The following IER5L variants were observed in gnomAD, a reference collection of about 807,000 sequenced individuals.
IER5L encodes the protein immediate early response gene 5-like protein.
In IER5L, 6 loss-of-function variants were observed where a neutral mutation model predicts 28.3. The ratio of observed to expected loss-of-function variants is 0.21; its 90% CI spans 0.12 to 0.42. The LOEUF (loss-of-function observed/expected upper bound fraction) is 0.42, where lower values mean the gene tolerates loss of function less well. IER5L is among the 10% of genes least tolerant of loss of function. The pLI, the probability that IER5L is intolerant of heterozygous loss-of-function variation, is 1.00. For synonymous variants in IER5L, 351 were observed against 282.5 expected (o/e 1.24, Z -2.43); for missense variants, 607 against 575.2 (o/e 1.06, Z -0.56).
chr9:129,176,748 G>A lies in IER5L; in HGVS notation c.*90C>T. ...CCAGCTCAGCCCCGAGTGGCCCGGC[G>A]CCCGCTCGTTCCCTCCTCTCGCCCC... On this transcript the variant is annotated 3_prime_UTR_variant, in exon 1 of 1. Transcript: ENST00000372491. The A allele has an allele frequency of 1.5e-6, 2 of 1,377,964 alleles. No homozygotes were observed. The highest frequency in any genetic ancestry group is 1.9e-6 in the Non-Finnish European group (2 of 1,068,776). The allele number at this position is 1,377,964 out of a possible 1,614,324, so 85.4% of individuals were successfully genotyped here. A position where few individuals can be genotyped will look rare whatever the true frequency, so the allele number is the denominator to read the frequency against.
Position 129,178,139 on chromosome 9 carries a change from C to G in IER5L, c.-87G>C, listed in dbSNP as rs961334853. On this transcript the variant is annotated 5_prime_UTR_variant, in exon 1 of 1. Transcript: ENST00000372491. ...TTCTGCCTCCAGCCGGCCGCCGGGG[C>G]GCGCCGGGCAGGGGTAACGGAGTCC... 2 of 1,205,950 alleles carry G rather than the reference C, an allele frequency of 1.7e-6. No individual in the cohort carries two copies. The highest frequency in any genetic ancestry group is 1.6e-5 in the African/African-American group (1 of 62,436). The allele number at this position is 1,205,950 out of a possible 1,614,324, so 74.7% of individuals were successfully genotyped here.
At position 129,177,163 on chromosome 9, in the gene IER5L, G is replaced by A. The variant is rs535369177; in HGVS notation, c.890C>T (p.Ala297Val). The A allele has an allele frequency of 5.6e-5, 83 of 1,475,180 alleles. No homozygotes were observed. In the South Asian group the frequency reaches 9.3e-4, roughly 17 times the overall value. The allele number at this position is 1,475,180 out of a possible 1,614,324, so 91.4% of individuals were successfully genotyped here. A position where few individuals can be genotyped will look rare whatever the true frequency, so the allele number is the denominator to read the frequency against. Residue 297 changes from alanine (A) to valine (V), a missense_variant, in exon 1 of 1, where the codon GCC becomes GTC. Coordinates refer to ENST00000372491, the MANE Select transcript of IER5L (RefSeq NM_203434.3). ...QGAPGPGLAS[A>V]AGCKRKYYPG... ...GTAATACTTGCGCTTGCAGCCGGCG[G>A]CGGACGCCAGGCCCGGTCCCGGAGC...
rs1779607388 is a variant in IER5L, at chr9:129,177,865, TGCTGCTGCTGCTGGC to T, written c.173_187del (p.Arg58_Gln62del). The T allele has an allele frequency of 6.5e-7, 1 of 1,530,150 alleles. No homozygotes were observed. The highest frequency in any genetic ancestry group is 2.0e-5 in the Admixed American group (1 of 49,382). The allele number at this position is 1,530,150 out of a possible 1,614,324, so 94.8% of individuals were successfully genotyped here. On this transcript the variant is annotated inframe_deletion, in exon 1 of 1. Transcript: ENST00000372491. ...CTGGTGGTGGGGCGGCTGCTGCTGT[TGCTGCTGCTGCTGGC>T]GCCGGTAGAGCTCGGCGTAGCGCTC...
chr9:129,177,004 G>A lies in IER5L; in HGVS notation c.1049C>T (p.Ala350Val). The A allele has an allele frequency of 1.3e-6, 2 of 1,597,730 alleles. No homozygotes were observed. Among genetic ancestry groups the A allele is most frequent in the Non-Finnish European group, 8.5e-7 (1 of 1,173,738 alleles). ...EDFCPDSSPD[A>V]SNISNLISIF... ...GGAGATCAAGTTTGAGATGTTGGAC[G>A]CGTCCGGGGACGAGTCCGGGCAGAA... The change falls in exon 1 of 1, where the codon GCG (alanine) becomes GTG (valine). Residue 350 changes from alanine (A) to valine (V), a missense_variant. Coordinates refer to ENST00000372491, the MANE Select transcript of IER5L (RefSeq NM_203434.3).
chr9:129,176,815 G>A lies in IER5L; in HGVS notation c.*23C>T. The A allele has an allele frequency of 2.6e-6, 4 of 1,532,140 alleles. No homozygotes were observed. The highest frequency in any genetic ancestry group is 3.5e-6 in the Non-Finnish European group (4 of 1,144,910). The allele number at this position is 1,532,140 out of a possible 1,614,324, so 94.9% of individuals were successfully genotyped here. A position where few individuals can be genotyped will look rare whatever the true frequency, so the allele number is the denominator to read the frequency against. On this transcript the variant is annotated 3_prime_UTR_variant, in exon 1 of 1. Coordinates refer to ENST00000372491, the MANE Select transcript of IER5L (RefSeq NM_203434.3). ...CTGGCCCCAGCCCCGCGGGGCCCCGGGTCCCTGTGCCCTCGGGGGTCCCTA... is the reference window on the plus strand; with the variant it reads ...CTGGCCCCAGCCCCGCGGGGCCCCGAGTCCCTGTGCCCTCGGGGGTCCCTA...
Position 129,178,094 on chromosome 9 carries a change from G to A in IER5L, c.-42C>T. On this transcript the variant is annotated 5_prime_UTR_variant, in exon 1 of 1. Coordinates refer to ENST00000372491, the MANE Select transcript of IER5L (RefSeq NM_203434.3). ...CGGCGGAGCAGCCGCCGCCGCTGCT[G>A]CTGTTAACGCTTCTGCTGTTTCTGC... The A allele has an allele frequency of 7.3e-7, 1 of 1,369,586 alleles. No individual in the cohort carries two copies. Among genetic ancestry groups the A allele is most frequent in the Non-Finnish European group, 9.4e-7 (1 of 1,058,618 alleles). The allele number at this position is 1,369,586 out of a possible 1,614,324, so 84.8% of individuals were successfully genotyped here.
chr9:129,177,230 C>G lies in IER5L; in HGVS notation c.823G>C (p.Asp275His). ...GGGCAGTGGGCGGAGGCGCAGCAGT[C>G]CTGGTGCAAGTAGCCGTTCTCCACC... ...TTVENGYLHQ[D>H]CCASAHCPCC... Residue 275 changes from aspartate (D) to histidine (H), a missense_variant, in exon 1 of 1, where the codon GAC becomes CAC. Transcript: ENST00000372491. The G allele has an allele frequency of 6.8e-7, 1 of 1,468,282 alleles. No homozygotes were observed. The highest frequency in any genetic ancestry group is 8.9e-7 in the Non-Finnish European group (1 of 1,120,012). The allele number at this position is 1,468,282 out of a possible 1,614,324, so 91.0% of individuals were successfully genotyped here.
rs1161845807 is a variant in IER5L at position 129,177,431 on chromosome 9, A to C, written c.622T>G (p.Cys208Gly). The C allele has an allele frequency of 8.3e-7, 1 of 1,205,818 alleles. No homozygotes were observed. The highest frequency in any genetic ancestry group is 1.0e-6 in the Non-Finnish European group (1 of 972,210). 74.7% of individuals were successfully genotyped at this position (1,205,818 alleles called of 1,614,324 possible). Residue 208 changes from cysteine to glycine, a missense_variant, in exon 1 of 1, where the codon TGC becomes GGC. Coordinates refer to ENST00000372491, the MANE Select transcript of IER5L (RefSeq NM_203434.3). Reference sequence around the variant, plus strand: ...GGGGCGGCCCCTGGGGGCGCGGAGCAGGCGGCCGGGGCGCGAGGGTCCCGC... The same window carrying C: ...GGGGCGGCCCCTGGGGGCGCGGAGCCGGCGGCCGGGGCGCGAGGGTCCCGC... ...CPRDPRAPAA[C>G]SAPPGAAPPA...
rs1296490457 is a variant in IER5L at position 129,177,509 on chromosome 9, G to T, written c.544C>A (p.Pro182Thr). The T allele has an allele frequency of 1.0e-6, 1 of 991,066 alleles. No homozygotes were observed. The highest frequency in any genetic ancestry group is 1.8e-5 in the African/African-American group (1 of 56,886). The allele number at this position is 991,066 out of a possible 1,614,324, so 61.4% of individuals were successfully genotyped here. ...GQPLEPLQPG[P>T]APLPLPLPPP... ...GGCAGCGGCAGCGGCAGCGGCGCAG[G>T]ACCCGGCTGCAGAGGCTCCAAGGGC... The change falls in exon 1 of 1, where the codon CCT (proline) becomes ACT (threonine). Residue 182 changes from proline to threonine, a missense_variant. Physicochemically the swap from Pro to Thr is conservative, Grantham distance 38. Coordinates refer to ENST00000372491, the MANE Select transcript of IER5L (RefSeq NM_203434.3).
In IER5L at chr9:129,176,663, G is replaced by C; in HGVS notation, c.*175C>G. The C allele has an allele frequency of 5.6e-6, 5 of 899,312 alleles. No homozygotes were observed. The highest frequency in any genetic ancestry group is 2.8e-5 in the South Asian group (1 of 35,318). The allele number at this position is 899,312 out of a possible 1,614,324, so 55.7% of individuals were successfully genotyped here. A position where few individuals can be genotyped will look rare whatever the true frequency, so the allele number is the denominator to read the frequency against. ...TGCAAAAATAAAGTCCAAGATTTTA[G>C]ATTTCTTTTTTTTTTATTTTACAAT... On this transcript the variant is annotated 3_prime_UTR_variant, in exon 1 of 1. Coordinates refer to ENST00000372491, the MANE Select transcript of IER5L (RefSeq NM_203434.3).
Position 129,177,055 on chromosome 9 carries a change from G to A in IER5L, c.998C>T (p.Pro333Leu), listed in dbSNP as rs570133093. Residue 333 changes from proline to leucine, a missense_variant, in exon 1 of 1, where the codon CCC becomes CTC. Physicochemically the swap from Pro to Leu is moderately conservative, Grantham distance 98. Transcript: ENST00000372491. ...GTCCTCGAAGCGGGCGCGCTTGCAGGGGGCGAACGGGGCGCCCCCGGGGGG... is the reference window on the plus strand; with the variant it reads ...GTCCTCGAAGCGGGCGCGCTTGCAGAGGGCGAACGGGGCGCCCCCGGGGGG... ...AEPPGGAPFAPCKRARFEDFC... is the reference protein window; with the variant it reads ...AEPPGGAPFALCKRARFEDFC... 141 of 1,515,598 alleles carry A rather than the reference G, an allele frequency of 9.3e-5. No individual in the cohort carries two copies. The South Asian group carries it at 1.7e-3, about 18-fold the overall frequency. 93.9% of individuals were successfully genotyped at this position (1,515,598 alleles called of 1,614,324 possible). A position where few individuals can be genotyped will look rare whatever the true frequency, so the allele number is the denominator to read the frequency against.
In IER5L at chr9:129,177,756, G is replaced by A; in HGVS notation, c.297C>T (p.Asp99=). The A allele has an allele frequency of 1.4e-6, 2 of 1,454,544 alleles. No individual in the cohort carries two copies. Among genetic ancestry groups the A allele is most frequent in the East Asian group, 3.0e-5 (1 of 33,188 alleles). The allele number at this position is 1,454,544 out of a possible 1,614,324, so 90.1% of individuals were successfully genotyped here. A position where few individuals can be genotyped will look rare whatever the true frequency, so the allele number is the denominator to read the frequency against. Residue 99 remains aspartate, a synonymous_variant, in exon 1 of 1, where the codon GAC becomes GAT. Coordinates refer to ENST00000372491, the MANE Select transcript of IER5L (RefSeq NM_203434.3). Reference sequence around the variant, plus strand: ...GGGCGGCCGGCTCGCGCGCCTCCGCGTCCCCGCCGCCGCCAAGTTGGAGCG... The same window carrying A: ...GGGCGGCCGGCTCGCGCGCCTCCGCATCCCCGCCGCCGCCAAGTTGGAGCG... ...FGPLQLGGGG[D]AEAREPAARH...
Position 129,176,667 on chromosome 9 carries a change from T to TC in IER5L, c.*170dup. On this transcript the variant is annotated 3_prime_UTR_variant, in exon 1 of 1. Transcript: ENST00000372491. Reference sequence around the variant, plus strand: ...AAAATAAAGTCCAAGATTTTAGATTTCTTTTTTTTTTATTTTACAATTTAT... The same window carrying TC: ...AAAATAAAGTCCAAGATTTTAGATTTCCTTTTTTTTTTATTTTACAATTTAT... 1.1e-6 allele frequency: 1 copy of TC among 922,684 alleles called. No individual in the cohort carries two copies. The highest frequency in any genetic ancestry group is 2.9e-5 in the South Asian group (1 of 35,004). The allele number at this position is 922,684 out of a possible 1,614,324, so 57.2% of individuals were successfully genotyped here. A position where few individuals can be genotyped will look rare whatever the true frequency, so the allele number is the denominator to read the frequency against.
rs994152639 is a variant in IER5L, at chr9:129,178,181, T to A, written c.-129A>T. The A allele has an allele frequency of 3.4e-4, 261 of 773,388 alleles. No homozygotes were observed. The highest frequency in any genetic ancestry group is 8.5e-4 in the Middle Eastern group (2 of 2,366). The allele number at this position is 773,388 out of a possible 1,614,324, so 47.9% of individuals were successfully genotyped here. Reference sequence around the variant, plus strand: ...ACGGAGTCCGGGTCAGAGGTTCGGCTGCGCTCCGAAAGGAGCCGCCACCAT... The same window carrying A: ...ACGGAGTCCGGGTCAGAGGTTCGGCAGCGCTCCGAAAGGAGCCGCCACCAT... On this transcript the variant is annotated 5_prime_UTR_variant, in exon 1 of 1. Coordinates refer to ENST00000372491, the MANE Select transcript of IER5L (RefSeq NM_203434.3).
Position 129,177,853 on chromosome 9 carries a change from GGCTGCTGCTGTT to G in IER5L, c.188_199del (p.Gln63_Gln66del), listed in dbSNP as rs1829438687. 1 of 1,539,890 alleles carries G rather than the reference GGCTGCTGCTGTT, an allele frequency of 6.5e-7. No homozygotes were observed. Among genetic ancestry groups the G allele is most frequent in the South Asian group, 1.2e-5 (1 of 83,202 alleles). Reference sequence around the variant, plus strand: ...TAGGTGCTGGTGCTGGTGGTGGGGCGGCTGCTGCTGTTGCTGCTGCTGCTGGCGCCGGTAGAG... The same window carrying G: ...TAGGTGCTGGTGCTGGTGGTGGGGCGGCTGCTGCTGCTGGCGCCGGTAGAG... On this transcript the variant is annotated inframe_deletion, in exon 1 of 1. Coordinates refer to ENST00000372491, the MANE Select transcript of IER5L (RefSeq NM_203434.3).
Position 129,177,634 on chromosome 9 carries a change from G to A in IER5L, c.419C>T (p.Ala140Val), listed in dbSNP as rs1205830765. The A allele has an allele frequency of 3.4e-6, 4 of 1,186,974 alleles. No homozygotes were observed. Among genetic ancestry groups the A allele is most frequent in the African/African-American group, 3.3e-5 (2 of 61,392 alleles). The allele number at this position is 1,186,974 out of a possible 1,614,324, so 73.5% of individuals were successfully genotyped here. ...GCCCGCGGGCGCTCCGGCCGCCGCCGCCGCCGCGCAGCCCCTGGGCGCCGG... is the reference window on the plus strand; with the variant it reads ...GCCCGCGGGCGCTCCGGCCGCCGCCACCGCCGCGCAGCCCCTGGGCGCCGG... ...QHPAPRGCAA[A>V]AAAGAPAGGA... The change falls in exon 1 of 1, where the codon GCG becomes GTG. Residue 140 changes from alanine (A) to valine (V), a missense_variant. Physicochemically the swap from Ala to Val is moderately conservative, Grantham distance 64. Transcript: ENST00000372491.
Position 129,177,604 on chromosome 9 carries a change from G to A in IER5L, c.449C>T (p.Ala150Val). The A allele has an allele frequency of 5.8e-6, 6 of 1,033,838 alleles. No homozygotes were observed. Among genetic ancestry groups the A allele is most frequent in the Non-Finnish European group, 6.9e-6 (6 of 868,754 alleles). The allele number at this position is 1,033,838 out of a possible 1,614,324, so 64.0% of individuals were successfully genotyped here. A position where few individuals can be genotyped will look rare whatever the true frequency, so the allele number is the denominator to read the frequency against. The change falls in exon 1 of 1, where the codon GCG becomes GTG. Residue 150 changes from alanine (A) to valine (V), a missense_variant. Coordinates refer to ENST00000372491, the MANE Select transcript of IER5L (RefSeq NM_203434.3). ...AAAAGAPAGG[A>V]GALSELPGCA... ...CCCGGGCAGCTCCGAGAGCGCCCCC[G>A]CGCCGCCCGCGGGCGCTCCGGCCGC...
In IER5L at chr9:129,177,374, G is replaced by C. The variant is rs1030489029; in HGVS notation, c.679C>G (p.Pro227Ala). The change falls in exon 1 of 1, where the codon CCG becomes GCG. Residue 227 changes from proline to alanine, a missense_variant. Pro to Ala is a conservative substitution (Grantham distance 27). Coordinates refer to ENST00000372491, the MANE Select transcript of IER5L (RefSeq NM_203434.3). ...AAGCCGGGGGAGGAGGCGGGGGCCG[G>C]GGAGGCGGGCGGAGAAGCGGCGGCG... ...PAAAASPPASPAPASSPGFYR... is the reference protein window; with the variant it reads ...PAAAASPPASAAPASSPGFYR... 6.2e-6 allele frequency: 8 copies of C among 1,291,632 alleles called. No individual in the cohort carries two copies. The South Asian group carries it at 1.9e-4, about 30-fold the overall frequency. The allele number at this position is 1,291,632 out of a possible 1,614,324, so 80.0% of individuals were successfully genotyped here.
chr9:129,177,236 G>C lies in IER5L; in HGVS notation c.817C>G (p.His273Asp), dbSNP rs374100558. ...VVTTVENGYLHQDCCASAHCP... is the reference protein window; with the variant it reads ...VVTTVENGYLDQDCCASAHCP... ...TGGGCGGAGGCGCAGCAGTCCTGGT[G>C]CAAGTAGCCGTTCTCCACCGTGGTC... The change falls in exon 1 of 1, where the codon CAC becomes GAC. Residue 273 changes from histidine to aspartate, a missense_variant. By Grantham distance (81) the His-to-Asp change is moderately conservative. Coordinates refer to ENST00000372491, the MANE Select transcript of IER5L (RefSeq NM_203434.3). The C allele has an allele frequency of 6.8e-7, 1 of 1,467,380 alleles. No homozygotes were observed. The highest frequency in any genetic ancestry group is 8.9e-7 in the Non-Finnish European group (1 of 1,120,396). The allele number at this position is 1,467,380 out of a possible 1,614,324, so 90.9% of individuals were successfully genotyped here. A position where few individuals can be genotyped will look rare whatever the true frequency, so the allele number is the denominator to read the frequency against.
Sources: gnomAD v4.1 joint callset for allele counts on GRCh38, gnomAD v4.1.1 for gene constraint, MANE v1.5 for transcripts, NCBI Gene and HGNC (gene_info 2026-07-23, HGNC 2026-07-21) for gene names.